Variants in BCL2 observed in about 807,000 individuals in gnomAD.
The protein encoded by BCL2 is apoptosis regulator Bcl-2.
Under a neutral mutation model 14.2 loss-of-function variants are expected in BCL2, and 1 was observed. That is an observed-to-expected ratio of 0.07 (90% CI 0.02 to 0.33). The LOEUF is 0.33. BCL2 is among the 10% of genes least tolerant of loss of function. BCL2 has a pLI of 0.99. For missense variants in BCL2, 247 were observed against 305.9 expected, an observed-to-expected ratio of 0.81 and a Z score of 1.44; for synonymous variants, 151 against 137.2, an observed-to-expected ratio of 1.10 and a Z score of -0.70.
rs1913533788 is a variant in BCL2, at chr18:63,317,502, A to G, written c.585+580T>C. 7 of 960,798 alleles carry G rather than the reference A, an allele frequency of 7.3e-6. No homozygotes were observed. The Admixed American group carries it at 4.3e-4, about 59-fold the overall frequency. The allele number at this position is 960,798 out of a possible 1,614,324, so 59.5% of individuals were successfully genotyped here. A position where few individuals can be genotyped will look rare whatever the true frequency, so the allele number is the denominator to read the frequency against. On this transcript the variant is annotated intron_variant, in intron 2 of 2. Coordinates refer to ENST00000333681, the MANE Select transcript of BCL2 (RefSeq NM_000633.3). ...GTCAACTTAGCTCTTTACAAACACA[A>G]CTAAGTTTTTCAGGGAAAAAGACTT...
At chr18:63,255,924 T>A (rs1911463038) in intron 2 of BCL2, among the ~76,000 whole-genome samples, 1 of 152,140 alleles carries the variant, frequency 6.6e-6, no homozygotes. Context: ...AACTTCCTAT[T>A]AAAGCATTAA....
At chr18:63,152,606 A>T (rs1914677048) in intron 2 of BCL2, among the ~76,000 whole-genome samples, 1 of 152,224 alleles carries the variant, frequency 6.6e-6, no homozygotes, top group East Asian at 1.9e-4. Context: ...CAATCAACAT[A>T]CATACAGAGT....
chr18:63,213,857 C>A (rs1272510640), intron 2 of BCL2, among the ~76,000 whole-genome samples: 3 of 152,068 alleles, frequency 2.0e-5, no homozygotes, highest in Non-Finnish European at 4.4e-5. Flanking sequence ...ACAGGGCCCA[C>A]CTCAACGCAC....
chr18:63,242,458 C>A (rs941471670), intron 2 of BCL2, among the ~76,000 whole-genome samples: 33 of 152,210 alleles, frequency 2.2e-4, no homozygotes, highest in African/African-American at 7.5e-4. Flanking sequence ...TTGGAGAGTG[C>A]AAAACGGCTG....
chr18:63,288,008 T>C (rs1912523918), intron 2 of BCL2, among the ~76,000 whole-genome samples: 1 of 152,182 alleles, frequency 6.6e-6, no homozygotes, highest in African/African-American at 2.4e-5. Flanking sequence ...AGAACAGACA[T>C]AGATGAGCAG....
At chr18:63,237,256 G>A (rs896429949) in intron 2 of BCL2, among the ~76,000 whole-genome samples, 1 of 152,144 alleles carries the variant, frequency 6.6e-6, no homozygotes, top group Admixed American at 6.5e-5. Flanking sequence ...CAGGCGGGGG[G>A]GAGGTGGGCG....
At chr18:63,223,798 C>T (rs956460534) in intron 2 of BCL2, among the ~76,000 whole-genome samples, 4 of 152,220 alleles carry the variant, frequency 2.6e-5, no homozygotes, top group African/African-American at 4.8e-5. Context: ...CAGTGATGCT[C>T]AGAGTTGACA....
intron 2 of BCL2, among the ~76,000 whole-genome samples, chr18:63,177,920 T>A (rs1750153564): frequency 6.6e-6 from 1 of 151,780 alleles, no homozygotes; most frequent in African/African-American, 2.4e-5. Context: ...TCAGCCCCCC[T>A]CCTCCCCATA....
intron 2 of BCL2, among the ~76,000 whole-genome samples, chr18:63,292,038 G>C (rs1289131413): frequency 1.3e-5 from 2 of 152,174 alleles, no homozygotes; most frequent in Non-Finnish European, 2.9e-5. Context: ...GACAGATCAT[G>C]ATAGTGACAG....
Position 63,301,006 on chromosome 18 carries a change from C to T in BCL2, c.585+17076G>A, listed in dbSNP as rs147591673. On this transcript the variant is annotated intron_variant, in intron 2 of 2. Transcript: ENST00000333681. ...TTGAGAAAATGGACTTTTAAAAAAG[C>T]AAATGGTATGGAATATTATTCAGCC... 9.9e-5 allele frequency among the ~76,000 whole-genome samples: 15 copies of T among 152,178 alleles called. No homozygotes were observed. The East Asian group carries it at 2.9e-3, about 29-fold the overall frequency.
At chr18:63,279,548 A>G (rs1469665374) in intron 2 of BCL2, among the ~76,000 whole-genome samples, 1 of 152,280 alleles carries the variant, frequency 6.6e-6, no homozygotes, top group Non-Finnish European at 1.5e-5. Flanking sequence ...ACAAAACAAC[A>G]GGAACTCTCA....
chr18:63,296,451 C>T (rs559378553), intron 2 of BCL2, among the ~76,000 whole-genome samples: 13 of 152,246 alleles, frequency 8.5e-5, no homozygotes, highest in African/African-American at 1.2e-4. Context: ...TACAGGCACA[C>T]GCCACCATGA....
intron 2 of BCL2, among the ~76,000 whole-genome samples, chr18:63,312,098 C>T (rs1913343299): frequency 6.6e-6 from 1 of 152,240 alleles, no homozygotes; most frequent in Non-Finnish European, 1.5e-5. Flanking sequence ...CAGCTGCCTG[C>T]AGCAAGTTTG....
At chr18:63,147,646 C>T (rs1227759055) in intron 2 of BCL2, among the ~76,000 whole-genome samples, 1 of 152,162 alleles carries the variant, frequency 6.6e-6, no homozygotes, top group East Asian at 1.9e-4. Flanking sequence ...AAGAATCTAC[C>T]CAAGAGATAC....
At position 63,293,886 on chromosome 18, in the gene BCL2, G is replaced by C. The variant is rs144141750; in HGVS notation, c.585+24196C>G. ...CTGATCTTTTATAGGTACCTCTCAT[G>C]CAACAGTTCAGCTTTAAATCTTTTT... On this transcript the variant is annotated intron_variant, in intron 2 of 2. Transcript: ENST00000333681. Among the ~76,000 whole-genome samples the C allele has an allele frequency of 4.5e-3, 683 of 152,108 alleles. 3 individuals are homozygous for C. The highest frequency in any genetic ancestry group is 7.6e-3 in the Non-Finnish European group (515 of 67,998).
At chr18:63,257,904 A>AATGAAGTCAAATGTTT (rs11271834) in intron 2 of BCL2, among the ~76,000 whole-genome samples, 116,421 of 152,016 alleles carry the variant, frequency 0.77, 45,840 homozygotes, top group South Asian at 0.97. Flanking sequence ...AAAGGAAGGC[A>AATGAAGTCAAATGTTT]ATAAACTGAG....
Position 63,318,012 on chromosome 18 carries a change from ACCCGCACTCCAACC to A in BCL2, c.585+56_585+69del. ...CAGCCTCCCATTGCCCCAGGAGCCCACCCGCACTCCAACCCCCGCATCTCGGACCTGTGGCCTCA... is the reference window on the plus strand; with the variant it reads ...CAGCCTCCCATTGCCCCAGGAGCCCACCCGCATCTCGGACCTGTGGCCTCA... On this transcript the variant is annotated intron_variant, in intron 2 of 2. Coordinates refer to ENST00000333681, the MANE Select transcript of BCL2 (RefSeq NM_000633.3). This position sits in a 1 kb window ranked among gnomAD's most constrained non-coding sequence, Gnocchi z 7.4. The A allele has an allele frequency of 3.8e-6, 6 of 1,563,000 alleles. No individual in the cohort carries two copies. The highest frequency in any genetic ancestry group is 5.2e-6 in the Non-Finnish European group (6 of 1,150,350).
intron 2 of BCL2, among the ~76,000 whole-genome samples, chr18:63,300,654 A>G (rs546913531): frequency 6.6e-6 from 1 of 151,928 alleles, no homozygotes; most frequent in Non-Finnish European, 1.5e-5. Context: ...CTTTCCCTGA[A>G]CTCTTTGACT....
chr18:63,289,429 G>GC (rs1339039702), intron 2 of BCL2, among the ~76,000 whole-genome samples: 1 of 152,160 alleles, frequency 6.6e-6, no homozygotes, highest in Non-Finnish European at 1.5e-5. Flanking sequence ...TGTAAAAACA[G>GC]CAGGAAAAAG....
Sources: allele counts gnomAD v4.1 joint callset (sites outside exome capture counted in the v4.1 genomes callset), GRCh38; gene constraint gnomAD v4.1.1; non-coding constraint Gnocchi (gnomAD v3.1); transcripts MANE v1.5; gene names NCBI Gene and HGNC (gene_info 2026-07-23, HGNC 2026-07-21).